NKAIN2: variants seen among roughly 807,000 people sequenced by gnomAD.
NKAIN2 encodes sodium/potassium-transporting ATPase subunit beta-1-interacting protein 2.
In NKAIN2, 14 loss-of-function variants were observed where a neutral mutation model predicts 32.6. The ratio of observed to expected loss-of-function variants is 0.43; its 90% CI spans 0.28 to 0.67. NKAIN2 has a LOEUF of 0.67. NKAIN2 is among the 30% of genes least tolerant of loss of function. NKAIN2 has a pLI of 0.17. For synonymous variants in NKAIN2, 80 were observed against 87.2 expected, an observed-to-expected ratio of 0.92 and a Z score of 0.46; for missense variants, 198 against 258.3, an observed-to-expected ratio of 0.77 and a Z score of 1.60.
chr6:124,754,743 A>G (rs946487958), intron 4 of NKAIN2, among the ~76,000 whole-genome samples: 2 of 152,128 alleles, frequency 1.3e-5, no homozygotes, highest in Non-Finnish European at 2.9e-5. Context: ...TCAAAGACCT[A>G]AAGACAGAAA....
intron 1 of NKAIN2, among the ~76,000 whole-genome samples, chr6:124,174,945 A>T (rs1789082261): frequency 6.6e-6 from 1 of 152,172 alleles, no homozygotes; most frequent in South Asian, 2.1e-4. Context: ...TAAAATGTAT[A>T]TGTAAATTTG....
At chr6:124,391,713 A>C (rs1773150078) in intron 3 of NKAIN2, among the ~76,000 whole-genome samples, 1 of 152,174 alleles carries the variant, frequency 6.6e-6, no homozygotes, top group African/African-American at 2.4e-5. Context: ...CTATTCCCAG[A>C]GGATGTTCAA....
intron 1 of NKAIN2, among the ~76,000 whole-genome samples, chr6:124,142,928 G>A (rs1362359504): frequency 6.6e-6 from 1 of 152,008 alleles, no homozygotes; most frequent in Admixed American, 6.6e-5. Flanking sequence ...CCGGTAAAAG[G>A]GAAAATAAGG....
At chr6:123,919,890 G>T (rs1775670692) in intron 1 of NKAIN2, among the ~76,000 whole-genome samples, 1 of 151,974 alleles carries the variant, frequency 6.6e-6, no homozygotes, top group African/African-American at 2.4e-5. Flanking sequence ...ATTCTGCTTG[G>T]ACTTAATATG....
intron 5 of NKAIN2, chr6:124,804,666 T>A (rs1191340487): frequency 6.6e-6 from 1 of 152,250 alleles, no homozygotes; most frequent in Non-Finnish European, 1.5e-5. Context: ...CAGCGCACTG[T>A]GCGTGAGCCG....
At chr6:124,655,837 C>T (rs1306617440) in intron 3 of NKAIN2, among the ~76,000 whole-genome samples, 3 of 152,172 alleles carry the variant, frequency 2.0e-5, no homozygotes, top group Non-Finnish European at 4.4e-5. Context: ...AGTTCTAAGT[C>T]TCAGAAAATC....
Position 124,537,702 on chromosome 6 carries a change from G to A in NKAIN2, c.274-120484G>A, listed in dbSNP as rs1015813508. Among the ~76,000 whole-genome samples, 29 of 152,092 alleles carry A rather than the reference G, an allele frequency of 1.9e-4. 2 individuals are homozygous for A. The highest frequency in any genetic ancestry group is 5.8e-4 in the African/African-American group (24 of 41,494). ...GCTGGATTCTGCTTCCCTTTCATGC[G>A]TGCTCTCTCTCTCTCCTCTCATCTT... is the stretch of plus-strand genomic sequence containing the variant. On this transcript the variant is annotated intron_variant, in intron 3 of 6. Coordinates refer to ENST00000368417, the MANE Select transcript of NKAIN2 (RefSeq NM_001040214.3).
chr6:124,227,087 CA>C (rs575365216), intron 1 of NKAIN2, among the ~76,000 whole-genome samples: 49 of 128,108 alleles, frequency 3.8e-4, no homozygotes, highest in Admixed American at 4.0e-4. Context: ...CTCTTGGAGG[CA>C]AAAAAAAAAA....
chr6:124,296,351 T>A (rs925069883), intron 2 of NKAIN2, among the ~76,000 whole-genome samples: 2 of 152,162 alleles, frequency 1.3e-5, no homozygotes, highest in Admixed American at 6.5e-5. Context: ...TCAAAACATC[T>A]TTGATGACCT....
At chr6:124,577,323 G>A (rs1351769696) in intron 3 of NKAIN2, among the ~76,000 whole-genome samples, 1 of 152,162 alleles carries the variant, frequency 6.6e-6, no homozygotes, top group Non-Finnish European at 1.5e-5. Flanking sequence ...AGACAGTCTT[G>A]AATTGCTGTC....
At position 124,307,317 on chromosome 6, in the gene NKAIN2, A is replaced by C. The variant is rs974860275; in HGVS notation, c.192+24175A>C. 4.6e-5 allele frequency among the ~76,000 whole-genome samples: 7 copies of C among 152,188 alleles called. No individual in the cohort carries two copies. In the East Asian group the frequency reaches 1.2e-3, roughly 25 times the overall value. Reference sequence around the variant, plus strand: ...TGAAAATAGATAAAATTTCTTGAACAACATGGTTGGGTCAGGATATGTAAT... The same window carrying C: ...TGAAAATAGATAAAATTTCTTGAACCACATGGTTGGGTCAGGATATGTAAT... On this transcript the variant is annotated intron_variant, in intron 2 of 6. Coordinates refer to ENST00000368417, the MANE Select transcript of NKAIN2 (RefSeq NM_001040214.3).
At chr6:124,395,991 A>C (rs931046638) in intron 3 of NKAIN2, among the ~76,000 whole-genome samples, 3 of 152,178 alleles carry the variant, frequency 2.0e-5, no homozygotes, top group East Asian at 3.9e-4. Flanking sequence ...CTGGGGCTAC[A>C]TCAGTGAACA....
At chr6:124,130,609 CTTA>C (rs1431078050) in intron 1 of NKAIN2, among the ~76,000 whole-genome samples, 2 of 104,524 alleles carry the variant, frequency 1.9e-5, no homozygotes, top group Non-Finnish European at 3.9e-5. Flanking sequence ...AATGTTTGCC[CTTA>C]TTTTTTTTTT....
At chr6:124,195,288 A>C (rs1459880910) in intron 1 of NKAIN2, among the ~76,000 whole-genome samples, 1 of 150,254 alleles carries the variant, frequency 6.7e-6, no homozygotes, top group Non-Finnish European at 1.5e-5. Flanking sequence ...TTTCCATAGA[A>C]TGTATTTATT....
chr6:124,410,796 TAA>T (rs1333359718), intron 3 of NKAIN2, among the ~76,000 whole-genome samples: 1 of 152,210 alleles, frequency 6.6e-6, no homozygotes. Flanking sequence ...AGTGGGGTGT[TAA>T]AGTCTCCCAT....
intron 2 of NKAIN2, among the ~76,000 whole-genome samples, chr6:124,330,610 T>A (rs1213397051): frequency 6.6e-6 from 1 of 152,204 alleles, no homozygotes; most frequent in East Asian, 1.9e-4. Context: ...AGAACTTGAC[T>A]GTGAGCTGTC....
chr6:123,848,288 A>G (rs915385857), intron 1 of NKAIN2, among the ~76,000 whole-genome samples: 28 of 152,202 alleles, frequency 1.8e-4, no homozygotes, highest in Non-Finnish European at 3.7e-4. Context: ...CAACTACCGT[A>G]TGATTCTAAA....
At chr6:124,079,867 C>G (rs764411569) in intron 1 of NKAIN2, among the ~76,000 whole-genome samples, 4 of 147,758 alleles carry the variant, frequency 2.7e-5, no homozygotes, top group Non-Finnish European at 4.4e-5. Flanking sequence ...TGTCACTGAG[C>G]GAACAAAGGT....
chr6:124,322,410 A>G (rs907042922), intron 2 of NKAIN2, among the ~76,000 whole-genome samples: 3 of 152,200 alleles, frequency 2.0e-5, no homozygotes, highest in Non-Finnish European at 4.4e-5. Flanking sequence ...CTATAGCGCA[A>G]TATCCAAAAT....
Sources: allele counts gnomAD v4.1 joint callset (sites outside exome capture counted in the v4.1 genomes callset), GRCh38; gene constraint gnomAD v4.1.1; transcripts MANE v1.5; gene names NCBI Gene and HGNC (gene_info 2026-07-23, HGNC 2026-07-21).